ADGRG4: variants seen among roughly 807,000 people sequenced by gnomAD.
The protein encoded by ADGRG4 is adhesion G protein-coupled receptor G4.
In ADGRG4, 122 loss-of-function variants were observed where a neutral mutation model predicts 126.2. The observed-to-expected ratio is 0.97, with a 90% CI of 0.83 to 1.12. The LOEUF (loss-of-function observed/expected upper bound fraction) is 1.12. ADGRG4 is among the 50% of genes most tolerant of loss of function. The pLI is 0.00. For synonymous variants in ADGRG4, 943 were observed against 838.7 expected (o/e 1.12, Z -2.15); for missense variants, 2,481 against 2,251.8 (o/e 1.10, Z -2.06).
intron 5 of ADGRG4, among the ~76,000 whole-genome samples, chrX:136,331,818 AT>A (rs781588407): frequency 2.8e-3 from 269 of 96,541 alleles, no homozygotes; most frequent in African/African-American, 5.3e-3. Context: ...ATATATTCTA[AT>A]TTTTTTTTTT....
chrX:136,310,920 G>A (rs1367451427), intron 4 of ADGRG4, among the ~76,000 whole-genome samples: 1 of 111,388 alleles, frequency 9.0e-6, no homozygotes, highest in Non-Finnish European at 1.9e-5. Context: ...GTCTGCTCAG[G>A]ATGCCATAAC....
In ADGRG4 at chrX:136,392,225, T is replaced by A. The variant is rs375996170; in HGVS notation, c.7912-7T>A. 191 of 1,153,840 alleles carry A rather than the reference T, an allele frequency of 1.7e-4. No individual in the cohort carries two copies. Among genetic ancestry groups the A allele is most frequent in the Non-Finnish European group, 2.1e-4 (180 of 862,308 alleles). On this transcript the variant is annotated splice_polypyrimidine_tract_variant and splice_region_variant and intron_variant, in intron 16 of 25. Coordinates refer to ENST00000394143, the MANE Select transcript of ADGRG4 (RefSeq NM_153834.4). Reference sequence around the variant, plus strand: ...GGTCCTGAACTCCTCTTTTGTTTCATCTGCAGACCAAAAATGTCACTAAAG... The same window carrying A: ...GGTCCTGAACTCCTCTTTTGTTTCAACTGCAGACCAAAAATGTCACTAAAG...
At chrX:136,395,273 T>C (rs2075340411) in intron 18 of ADGRG4, 117 bp from the exon 19 acceptor site, 1 of 438,585 alleles carries the variant, frequency 2.3e-6, no homozygotes, top group Non-Finnish European at 3.9e-6. Context: ...CCCCTAATCT[T>C]GCTATCTCAG....
chrX:136,348,870 A>G lies in ADGRG4; in HGVS notation c.5164A>G (p.Thr1722Ala). 3 of 1,208,172 alleles carry G rather than the reference A, an allele frequency of 2.5e-6. No individual in the cohort carries two copies. Among genetic ancestry groups the G allele is most frequent in the Non-Finnish European group, 3.4e-6 (3 of 893,202 alleles). Residue 1722 changes from threonine to alanine, a missense_variant, in exon 6 of 26, where the codon ACT (threonine) becomes GCT (alanine). Thr to Ala is a moderately conservative substitution (Grantham distance 58, BLOSUM62 0). Coordinates refer to ENST00000394143, the MANE Select transcript of ADGRG4 (RefSeq NM_153834.4). ...AACTTTGGGCATATTATCTGGGATTACTAACAGGTCCCTATCTACTGTGAA... is the reference window on the plus strand; with the variant it reads ...AACTTTGGGCATATTATCTGGGATTGCTAACAGGTCCCTATCTACTGTGAA... ...ATTLGILSGITNRSLSTVNSG... is the reference protein window; with the variant it reads ...ATTLGILSGIANRSLSTVNSG...
chrX:136,390,440 C>T (rs776918343), intron 16 of ADGRG4, among the ~76,000 whole-genome samples: 1 of 111,429 alleles, frequency 9.0e-6, no homozygotes, highest in Admixed American at 9.6e-5. Context: ...GGGAGAGGGA[C>T]AGGCACTAGG....
At chrX:136,375,063 G>A (rs1373131172) in intron 15 of ADGRG4, among the ~76,000 whole-genome samples, 1 of 110,273 alleles carries the variant, frequency 9.1e-6, no homozygotes, top group African/African-American at 3.3e-5. Flanking sequence ...AGTCCCCAAA[G>A]TCCATTACAT....
Position 136,346,040 on chromosome X carries a change from A to G in ADGRG4, c.2334A>G (p.Pro778=). 8.3e-7 allele frequency: 1 copy of G among 1,206,822 alleles called. No homozygotes were observed. Among genetic ancestry groups the G allele is most frequent in the Non-Finnish European group, 1.1e-6 (1 of 892,008 alleles). Residue 778 remains proline (P), a synonymous_variant, in exon 6 of 26, where the codon CCA becomes CCG. Transcript: ENST00000394143. The stretch of plus-strand genomic sequence containing the variant: ...CTGCAAATGAACTTCCTTTGACACC[A>G]AGGGAGACTGTTGTTCCATCAGTAG... ...TKPANELPLT[P]RETVVPSVDI...
chrX:136,353,286 TTAAAC>T, intron 7 of ADGRG4, 46 bp from the exon 8 acceptor site: 1 of 874,751 alleles, frequency 1.1e-6, no homozygotes, highest in Non-Finnish European at 1.7e-6. Flanking sequence ...TTTTGCTGAG[TTAAAC>T]TAGAGGAGCA....
rs1480822144 is a variant in ADGRG4, at chrX:136,347,155, C to A, written c.3449C>A (p.Pro1150His). ...ACTCTTGTCTGCTCAAAACCTCCCC[C>A]TGACAACATTCCTCCTGCGTCCTCC... ...THTLVCSKPPPDNIPPASSTH... is the reference protein window; with the variant it reads ...THTLVCSKPPHDNIPPASSTH... The change falls in exon 6 of 26, where the codon CCT becomes CAT. Residue 1150 changes from proline to histidine, a missense_variant. By Grantham distance (77) the Pro-to-His change is moderately conservative. Transcript: ENST00000394143. The A allele has an allele frequency of 1.7e-6, 2 of 1,209,451 alleles. No individual in the cohort carries two copies. The highest frequency in any genetic ancestry group is 3.0e-5 in the East Asian group (1 of 33,744).
chrX:136,396,594 C>CAAA (rs771100359), intron 19 of ADGRG4, among the ~76,000 whole-genome samples: 1 of 57,395 alleles, frequency 1.7e-5, no homozygotes, highest in African/African-American at 5.8e-5. Context: ...GAACCTGTCC[C>CAAA]AAAAAAAAAA....
intron 5 of ADGRG4, among the ~76,000 whole-genome samples, chrX:136,342,917 T>A (rs569264349): frequency 0.05 from 3,220 of 64,686 alleles, 49 homozygotes; most frequent in South Asian, 0.071. Context: ...TGTGTGTGTG[T>A]GTGTGAGAGA....
At chrX:136,365,046 A>G (rs73556604) in intron 13 of ADGRG4, among the ~76,000 whole-genome samples, 2,050 of 111,994 alleles carry the variant, frequency 0.018, 43 homozygotes, top group African/African-American at 0.063. Flanking sequence ...TCAACACAGC[A>G]TGTTTGTTAT....
intron 15 of ADGRG4, among the ~76,000 whole-genome samples, chrX:136,381,190 A>C (rs1319880975): frequency 2.7e-5 from 3 of 111,571 alleles, no homozygotes; most frequent in African/African-American, 6.5e-5. Flanking sequence ...TATTTTTTTT[A>C]GTCCGTGAAT....
At position 136,363,533 on chromosome X, in the gene ADGRG4, G is replaced by T. The variant is rs192453803; in HGVS notation, c.7334G>T (p.Cys2445Phe). Residue 2445 changes from cysteine (C) to phenylalanine (F), a missense_variant, in exon 13 of 26, where the codon TGC becomes TTC. Transcript: ENST00000394143. The part of the protein sequence containing the change: ...SQWEKPKFKQ[C>F]KLLQELPDKI... ...TGGGAAAAGCCAAAGTTTAAACAAT[G>T]CAAATTGCTTCAAGAACTTCCTGAC... 8.3e-7 allele frequency: 1 copy of T among 1,201,814 alleles called. No homozygotes were observed. The highest frequency in any genetic ancestry group is 3.0e-5 in the East Asian group (1 of 33,696).
chrX:136,371,818 C>T (rs752129161), intron 14 of ADGRG4, among the ~76,000 whole-genome samples: 1 of 111,520 alleles, frequency 9.0e-6, no homozygotes, highest in South Asian at 3.8e-4. Context: ...TGTTCATAGG[C>T]TATACAAAAA....
rs779610287 is a variant in ADGRG4, at chrX:136,323,266, C to T, written c.559C>T (p.Leu187Phe). Residue 187 changes from leucine (L) to phenylalanine (F), a missense_variant, in exon 5 of 26, where the codon CTC becomes TTC. By Grantham distance (22) the Leu-to-Phe change is conservative. Transcript: ENST00000394143. The part of the protein sequence containing the change: ...SFPGSLYYFQ[L>F]WDHILENEEF... ...TCCTGGCAGCTTGTACTACTTTCAA[C>T]TCTGGGACCACATCCTGGAAAACGA... The T allele has an allele frequency of 1.2e-4, 140 of 1,209,357 alleles. No homozygotes were observed. The highest frequency in any genetic ancestry group is 1.5e-4 in the Non-Finnish European group (133 of 895,093).
In ADGRG4 at chrX:136,363,561, G is replaced by A; in HGVS notation, c.7362G>A (p.Lys2454=). 8.5e-7 allele frequency: 1 copy of A among 1,182,336 alleles called. No homozygotes were observed. The highest frequency in any genetic ancestry group is 1.2e-6 in the Non-Finnish European group (1 of 868,814). ...QCKLLQELPD[K]IVDLANITIS... ...AATTGCTTCAAGAACTTCCTGACAA[G>A]ATTGTGGATCTTGCTAATATTACCA... is the stretch of plus-strand genomic sequence containing the variant. Residue 2454 remains lysine (K), a synonymous_variant, in exon 13 of 26, where the codon AAG becomes AAA. Transcript: ENST00000394143.
intron 11 of ADGRG4, 78 bp downstream of exon 11, chrX:136,359,533 A>G (rs1230561964): frequency 4.3e-5 from 33 of 774,515 alleles, no homozygotes; most frequent in Non-Finnish European, 5.8e-5. Flanking sequence ...TACTTGGTTA[A>G]GGATTCTGAG....
chrX:136,387,363 C>T (rs1457490230), intron 15 of ADGRG4, among the ~76,000 whole-genome samples: 1 of 111,910 alleles, frequency 8.9e-6, no homozygotes, highest in Non-Finnish European at 1.9e-5. Context: ...TTCCTTTTAA[C>T]ATATGGAGGA....
Sources: allele counts gnomAD v4.1 joint callset (sites outside exome capture counted in the v4.1 genomes callset), GRCh38; gene constraint gnomAD v4.1.1; transcripts MANE v1.5; gene names NCBI Gene and HGNC (gene_info 2026-07-23, HGNC 2026-07-21).